Variants in CSMD1 observed in about 807,000 individuals in gnomAD.
CSMD1 encodes CUB and sushi domain-containing protein 1.
CSMD1 carries 213 observed loss-of-function variants against 417.5 expected under a neutral mutation model. The ratio of observed to expected loss-of-function variants is 0.51; its 90% CI spans 0.46 to 0.57. The LOEUF is 0.57. Among genes scored for constraint, CSMD1 ranks in the 20% least tolerant of loss-of-function variants. The probability of loss-of-function intolerance (pLI) is 0.00; values close to 1 mark genes in which losing one functional copy is unlikely to be tolerated. For synonymous variants in CSMD1, 2,862 were observed against 1,736.8 expected (o/e 1.65, Z -16.11); for missense variants, 6,923 against 4,529.7 (o/e 1.53, Z -15.17).
chr8:4,024,037 G>C (rs1465118405), intron 4 of CSMD1, among the ~76,000 whole-genome samples: 2 of 152,020 alleles, frequency 1.3e-5, no homozygotes, highest in Non-Finnish European at 2.9e-5. Flanking sequence ...GCAATTGAGA[G>C]AACATAGAGG....
chr8:3,552,407 A>G (rs1798956097), intron 10 of CSMD1, among the ~76,000 whole-genome samples: 1 of 152,220 alleles, frequency 6.6e-6, no homozygotes, highest in African/African-American at 2.4e-5. Context: ...TAAAATAAAC[A>G]GTTCATAACA....
intron 2 of CSMD1, among the ~76,000 whole-genome samples, chr8:4,423,815 T>C (rs945302530): frequency 5.3e-5 from 8 of 152,024 alleles, no homozygotes; most frequent in Non-Finnish European, 4.4e-5. Context: ...TCAAGACTTA[T>C]TTTATATCTA....
intron 1 of CSMD1, among the ~76,000 whole-genome samples, chr8:4,747,624 G>T (rs74692337): frequency 6.6e-6 from 1 of 152,250 alleles, no homozygotes; most frequent in Non-Finnish European, 1.5e-5. Flanking sequence ...TCTGGAGTTA[G>T]CATCATTATC....
intron 1 of CSMD1, among the ~76,000 whole-genome samples, chr8:4,862,607 G>T (rs148687617): frequency 6.6e-6 from 1 of 151,976 alleles, no homozygotes; most frequent in South Asian, 2.1e-4. Context: ...ATAAAAAATT[G>T]GAATACGGTT....
chr8:4,325,020 A>G (rs1298494373), intron 3 of CSMD1, among the ~76,000 whole-genome samples: 1 of 152,114 alleles, frequency 6.6e-6, no homozygotes, highest in African/African-American at 2.4e-5. Flanking sequence ...TCATTGAGTG[A>G]GTGCTGCACT....
intron 5 of CSMD1, among the ~76,000 whole-genome samples, chr8:3,862,239 T>C (rs1187542532): frequency 1.3e-5 from 2 of 152,214 alleles, no homozygotes; most frequent in Non-Finnish European, 2.9e-5. Flanking sequence ...ACCTACCTCA[T>C]ACACAGCTTC....
chr8:3,386,990 G>T (rs557678595), intron 18 of CSMD1, among the ~76,000 whole-genome samples: 1 of 152,270 alleles, frequency 6.6e-6, no homozygotes, highest in Middle Eastern at 3.4e-3. Context: ...TAGGACAACA[G>T]GAGTGGCTGT....
intron 4 of CSMD1, among the ~76,000 whole-genome samples, chr8:4,027,998 T>A (rs750832724): frequency 3.9e-5 from 6 of 152,148 alleles, no homozygotes; most frequent in African/African-American, 1.2e-4. Flanking sequence ...TGAGATCAAT[T>A]AATTGAGAAC....
At position 4,673,679 on chromosome 8, in the gene CSMD1, C is replaced by G. The variant is rs368089484; in HGVS notation, c.86-36121G>C. Among the ~76,000 whole-genome samples the G allele has an allele frequency of 2.0e-3, 298 of 152,224 alleles. 3 individuals are homozygous for G. The highest frequency in any genetic ancestry group is 6.0e-3 in the African/African-American group (251 of 41,534). On this transcript the variant is annotated intron_variant, in intron 1 of 69. Coordinates refer to ENST00000635120, the MANE Select transcript of CSMD1 (RefSeq NM_033225.6). ...TACATCAACTCTGCTAATGCTTCCTCAACATTTTCCCCCAAGAAAACCCAC... is the reference window on the plus strand; with the variant it reads ...TACATCAACTCTGCTAATGCTTCCTGAACATTTTCCCCCAAGAAAACCCAC...
At chr8:3,669,409 T>A (rs1192556512) in intron 7 of CSMD1, among the ~76,000 whole-genome samples, 1 of 152,118 alleles carries the variant, frequency 6.6e-6, no homozygotes, top group Non-Finnish European at 1.5e-5. Flanking sequence ...AGTCTAGGGG[T>A]TCGTGTTTAC....
intron 3 of CSMD1, among the ~76,000 whole-genome samples, chr8:4,352,546 A>G (rs1216298812): frequency 6.6e-6 from 1 of 152,246 alleles, no homozygotes; most frequent in Non-Finnish European, 1.5e-5. Context: ...TGCAGACATC[A>G]TCTATGTCAT....
rs573023505 is a variant in CSMD1, at chr8:3,368,507, T to C, written c.2899+747A>G. On this transcript the variant is annotated intron_variant, in intron 19 of 69. Coordinates refer to ENST00000635120, the MANE Select transcript of CSMD1 (RefSeq NM_033225.6). ...ATGCACCACGATGCCTGGCTAATTA[T>C]TTTGTATTTTTAGTAGAGACAAGGT... Among the ~76,000 whole-genome samples the C allele has an allele frequency of 2.6e-5, 4 of 152,180 alleles. No homozygotes were observed. In the South Asian group the frequency reaches 8.3e-4, roughly 32 times the overall value.
At chr8:4,485,648 G>T (rs535908011) in intron 2 of CSMD1, among the ~76,000 whole-genome samples, 16 of 152,090 alleles carry the variant, frequency 1.1e-4, no homozygotes, top group African/African-American at 3.6e-4. Context: ...GTATGCTATC[G>T]CAGAGCCCAG....
chr8:3,936,613 T>C (rs903979240), intron 5 of CSMD1, among the ~76,000 whole-genome samples: 6 of 152,172 alleles, frequency 3.9e-5, no homozygotes, highest in African/African-American at 1.4e-4. Flanking sequence ...TTAAGGCCAC[T>C]GTTGAGACGT....
At chr8:3,694,787 A>T (rs895682527) in intron 7 of CSMD1, among the ~76,000 whole-genome samples, 1 of 151,826 alleles carries the variant, frequency 6.6e-6, no homozygotes, top group African/African-American at 2.4e-5. Context: ...GTCCAAGCAG[A>T]AGTAACAGAA....
chr8:3,645,275 G>T (rs1001394525), intron 7 of CSMD1, among the ~76,000 whole-genome samples: 1 of 152,160 alleles, frequency 6.6e-6, no homozygotes, highest in Non-Finnish European at 1.5e-5. Flanking sequence ...CTTGTCTCAG[G>T]AAGCCATAAC....
At chr8:3,238,570 A>G (rs922792623) in intron 26 of CSMD1, among the ~76,000 whole-genome samples, 15 of 152,114 alleles carry the variant, frequency 9.9e-5, no homozygotes, top group South Asian at 2.1e-4. Context: ...GGAGAGATGA[A>G]GCTGAAGGAA....
rs1311222384 is a variant in CSMD1, at chr8:3,998,006, G to C, written c.715C>G (p.Leu239Val). ...ENNADCTWTI[L>V]AEPGDTIALV... Reference sequence around the variant, plus strand: ...GCAATGGTGTCCCCGGGCTCAGCCAGAATGGTCCAGGTGCAGTCCGCGTTG... The same window carrying C: ...GCAATGGTGTCCCCGGGCTCAGCCACAATGGTCCAGGTGCAGTCCGCGTTG... Residue 239 changes from leucine (L) to valine (V), a missense_variant, in exon 5 of 70, where the codon CTG becomes GTG. Leu to Val is a conservative substitution (Grantham distance 32). Coordinates refer to ENST00000635120, the MANE Select transcript of CSMD1 (RefSeq NM_033225.6). The C allele has an allele frequency of 9.9e-6, 16 of 1,609,410 alleles. No homozygotes were observed. Among genetic ancestry groups the C allele is most frequent in the Non-Finnish European group, 1.3e-5 (15 of 1,177,698 alleles).
intron 3 of CSMD1, among the ~76,000 whole-genome samples, chr8:4,082,707 G>A (rs561219113): frequency 1.1e-4 from 16 of 151,474 alleles, no homozygotes; most frequent in South Asian, 2.1e-4. Context: ...CTGGTGTGCT[G>A]CACCCATTAA....
Sources: gnomAD v4.1 joint callset for allele counts (sites outside exome capture counted in the v4.1 genomes callset) on GRCh38, gnomAD v4.1.1 for gene constraint, MANE v1.5 for transcripts, NCBI Gene and HGNC (gene_info 2026-07-23, HGNC 2026-07-21) for gene names.